CSMD1: variants seen among roughly 807,000 people sequenced by gnomAD.
CSMD1 encodes CUB and Sushi multiple domains 1, also known as CUB and sushi domain-containing protein 1.
A neutral mutation model predicts 417.5 loss-of-function variants in CSMD1; 213 were observed. That is an observed-to-expected ratio of 0.51 (90% CI 0.46 to 0.57). CSMD1 has a LOEUF of 0.57. Among genes scored for constraint, CSMD1 ranks in the 20% least tolerant of loss-of-function variants. CSMD1 has a pLI of 0.00. For synonymous variants in CSMD1, 2,862 were observed against 1,736.8 expected, an observed-to-expected ratio of 1.65 and a Z score of -16.11; for missense variants, 6,923 against 4,529.7, an observed-to-expected ratio of 1.53 and a Z score of -15.17.
intron 10 of CSMD1, among the ~76,000 whole-genome samples, chr8:3,533,825 C>G (rs1024262395): frequency 2.0e-5 from 3 of 151,994 alleles, no homozygotes; most frequent in African/African-American, 7.2e-5. Flanking sequence ...CTTTTTTTCT[C>G]CCAAGTAGCT....
At chr8:4,156,159 T>C (rs946602864) in intron 3 of CSMD1, among the ~76,000 whole-genome samples, 2 of 152,122 alleles carry the variant, frequency 1.3e-5, no homozygotes. Flanking sequence ...CAGAGGCAAT[T>C]CGTTGTGTGA....
At chr8:3,800,797 G>A (rs1456992655) in intron 5 of CSMD1, among the ~76,000 whole-genome samples, 1 of 152,032 alleles carries the variant, frequency 6.6e-6, no homozygotes, top group Non-Finnish European at 1.5e-5. Context: ...GCTGTATTTT[G>A]TACGTGCCCA....
intron 12 of CSMD1, among the ~76,000 whole-genome samples, chr8:3,440,701 G>T (rs765964713): frequency 9.9e-5 from 15 of 152,164 alleles, no homozygotes; most frequent in Non-Finnish European, 2.1e-4. Context: ...GGGAAGAGTG[G>T]ATATCCTTGG....
intron 12 of CSMD1, among the ~76,000 whole-genome samples, chr8:3,430,140 A>C (rs998087695): frequency 6.6e-6 from 1 of 152,118 alleles, no homozygotes; most frequent in African/African-American, 2.4e-5. Flanking sequence ...TATACATACA[A>C]ACATATGAAT....
intron 10 of CSMD1, among the ~76,000 whole-genome samples, chr8:3,505,776 G>A (rs1158406420): frequency 6.6e-6 from 1 of 152,196 alleles, no homozygotes; most frequent in Non-Finnish European, 1.5e-5. Flanking sequence ...TATTTTATGT[G>A]AGAAGGAAGA....
chr8:4,152,206 G>A (rs1215787384), intron 3 of CSMD1, among the ~76,000 whole-genome samples: 2 of 152,092 alleles, frequency 1.3e-5, no homozygotes, highest in African/African-American at 2.4e-5. Context: ...TGGAGAAGAA[G>A]GAACACCATA....
chr8:3,543,385 C>G (rs940433010), intron 10 of CSMD1, among the ~76,000 whole-genome samples: 1 of 152,116 alleles, frequency 6.6e-6, no homozygotes, highest in Non-Finnish European at 1.5e-5. Flanking sequence ...AAAATAATCA[C>G]TCGTTTCTGT....
chr8:4,476,575 A>G (rs960013694), intron 2 of CSMD1, among the ~76,000 whole-genome samples: 17 of 152,198 alleles, frequency 1.1e-4, no homozygotes, highest in Admixed American at 1.0e-3. Context: ...AACATAATCA[A>G]ATAGGTCTCC....
chr8:4,512,951 G>A (rs1321243478), intron 2 of CSMD1, among the ~76,000 whole-genome samples: 1 of 152,052 alleles, frequency 6.6e-6, no homozygotes, highest in East Asian at 1.9e-4. Flanking sequence ...TTTCGAAACA[G>A]CAAAATTAGG....
chr8:4,145,016 AATT>A lies in CSMD1; in HGVS notation c.416-112920_416-112918del, dbSNP rs748866384. On this transcript the variant is annotated intron_variant, in intron 3 of 69. Transcript: ENST00000635120. ...ACGTTCTCTACTTTATATAAATAAT[AATT>A]ATCTTCTACTTTTCCGCTTTTAAAA... Among the ~76,000 whole-genome samples the A allele has an allele frequency of 2.3e-4, 35 of 151,174 alleles. 1 individual carries two copies. Among genetic ancestry groups the A allele is most frequent in the Non-Finnish European group, 4.7e-4 (32 of 68,032 alleles).
At chr8:3,238,147 A>C (rs1190732297) in intron 26 of CSMD1, among the ~76,000 whole-genome samples, 1 of 151,764 alleles carries the variant, frequency 6.6e-6, no homozygotes, top group African/African-American at 2.4e-5. Flanking sequence ...ACGTAAAGGA[A>C]AATTACAGTC....
intron 3 of CSMD1, among the ~76,000 whole-genome samples, chr8:4,079,135 T>C (rs1279790028): frequency 6.6e-6 from 1 of 151,864 alleles, no homozygotes; most frequent in Non-Finnish European, 1.5e-5. Flanking sequence ...ATTCAACTAC[T>C]GGATCATATA....
chr8:3,176,061 C>T (rs919371294), intron 37 of CSMD1, among the ~76,000 whole-genome samples: 1 of 152,092 alleles, frequency 6.6e-6, no homozygotes, highest in Middle Eastern at 3.2e-3. Context: ...GAATGTTTCA[C>T]TGTCTTGTTA....
At chr8:4,124,674 C>G (rs1416348198) in intron 3 of CSMD1, among the ~76,000 whole-genome samples, 2 of 152,176 alleles carry the variant, frequency 1.3e-5, no homozygotes, top group Admixed American at 6.5e-5. Flanking sequence ...GCTAATCTGG[C>G]TGGACTTCCT....
intron 3 of CSMD1, among the ~76,000 whole-genome samples, chr8:4,333,842 T>C (rs1003261970): frequency 1.1e-4 from 17 of 152,134 alleles, no homozygotes; most frequent in Non-Finnish European, 2.1e-4. Context: ...ATTAGCTTTA[T>C]GGTGTTTCAT....
intron 2 of CSMD1, among the ~76,000 whole-genome samples, chr8:4,581,467 G>A (rs896742022): frequency 1.3e-5 from 2 of 152,146 alleles, no homozygotes; most frequent in African/African-American, 4.8e-5. Context: ...TTTGAAAACT[G>A]TTTTTGAATA....
chr8:4,378,757 G>C (rs927588655), intron 3 of CSMD1, among the ~76,000 whole-genome samples: 5 of 152,156 alleles, frequency 3.3e-5, no homozygotes, highest in East Asian at 1.9e-4. Flanking sequence ...GAGGTTATGA[G>C]AGCTCTGCTC....
chr8:4,422,789 T>C (rs1797322442), intron 2 of CSMD1, among the ~76,000 whole-genome samples: 1 of 151,986 alleles, frequency 6.6e-6, no homozygotes, highest in South Asian at 2.1e-4. Context: ...CTTAACCAAG[T>C]AAGAGAAAAT....
intron 1 of CSMD1, among the ~76,000 whole-genome samples, chr8:4,733,137 C>A (rs1433001825): frequency 6.6e-6 from 1 of 152,170 alleles, no homozygotes; most frequent in Non-Finnish European, 1.5e-5. Context: ...TCCTTCATTT[C>A]CTTCATTCAT....
Sources: allele counts gnomAD v4.1 joint callset (sites outside exome capture counted in the v4.1 genomes callset), GRCh38; gene constraint gnomAD v4.1.1; transcripts MANE v1.5; gene names NCBI Gene and HGNC (gene_info 2026-07-23, HGNC 2026-07-21).